The following KCTD13 variants were observed in gnomAD, a reference collection of about 807,000 sequenced individuals.
KCTD13 encodes the protein potassium channel tetramerization domain containing 13, also known as BTB/POZ domain-containing adapter for CUL3-mediated RhoA degradation protein 1.
A neutral mutation model predicts 32.3 loss-of-function variants in KCTD13; 15 were observed. That is an observed-to-expected ratio of 0.46 (90% CI 0.31 to 0.71). The LOEUF (loss-of-function observed/expected upper bound fraction) is 0.71, where lower values mean the gene tolerates loss of function less well. Among genes scored for constraint, KCTD13 ranks in the 30% least tolerant of loss-of-function variants. The pLI is 0.05. For missense variants in KCTD13, 337 were observed against 452.6 expected (o/e 0.74, Z 2.32); for synonymous variants, 189 against 200.1 (o/e 0.94, Z 0.47).
In KCTD13 at chr16:29,906,655, C is replaced by T. The variant is rs916314639; in HGVS notation, c.*217G>A. On this transcript the variant is annotated 3_prime_UTR_variant, in exon 6 of 6. Transcript: ENST00000568000. ...CCAGGGTGGGGACAAGTGTTGGCTT[C>T]GGAAGGCTCTGAGTGGTGGGGCCGG... The T allele has an allele frequency of 1.2e-5, 8 of 680,462 alleles. No individual in the cohort carries two copies. Among genetic ancestry groups the T allele is most frequent in the Non-Finnish European group, 1.9e-5 (7 of 370,486 alleles). 42.2% of individuals were successfully genotyped at this position (680,462 alleles called of 1,614,324 possible). A position where few individuals can be genotyped will look rare whatever the true frequency, so the allele number is the denominator to read the frequency against.
chr16:29,915,497 C>T (rs933473727), intron 2 of KCTD13, among the ~76,000 whole-genome samples: 9 of 151,044 alleles, frequency 6.0e-5, no homozygotes, highest in Non-Finnish European at 1.2e-4. Context: ...ACTAAAAATA[C>T]AAAAATTAGC....
intron 5 of KCTD13, among the ~76,000 whole-genome samples, chr16:29,909,900 A>G (rs145080160): frequency 1.3e-5 from 2 of 151,896 alleles, no homozygotes; most frequent in Non-Finnish European, 2.9e-5. Context: ...CGAAGTCTCT[A>G]CTAAAGAGAC....
rs907551420 is a variant in KCTD13, at chr16:29,906,930, C to A, written c.932G>T (p.Arg311Leu). ...ACGCTCGTCGTGGGTGATATGGCGC[C>A]GGACATGGATCCTGCGGACACGGTG... ...REHRVRRIHV[R>L]RHITHDERPH... Residue 311 changes from arginine (R) to leucine (L), a missense_variant, in exon 6 of 6, where the codon CGG becomes CTG. This residue lies in a region of KCTD13 where 252 missense variants were observed against 340.2 expected (regional missense o/e 0.74). Transcript: ENST00000568000. The A allele has an allele frequency of 1.3e-5, 21 of 1,614,004 alleles. No individual in the cohort carries two copies. The highest frequency in any genetic ancestry group is 1.7e-5 in the Non-Finnish European group (20 of 1,180,024).
chr16:29,918,910 A>G (rs2068860091), intron 2 of KCTD13, among the ~76,000 whole-genome samples: 1 of 151,278 alleles, frequency 6.6e-6, no homozygotes, highest in Non-Finnish European at 1.5e-5. Flanking sequence ...CACCTGCCTC[A>G]GCCTCCCAAA....
intron 1 of KCTD13, 35 bp from the exon 2 acceptor site, chr16:29,923,394 C>T (rs755718533): frequency 2.5e-6 from 4 of 1,599,422 alleles, no homozygotes; most frequent in Non-Finnish European, 3.4e-6. Context: ...GGAAAGATGG[C>T]TTTGCTGCGG....
At position 29,906,971 on chromosome 16, in the gene KCTD13, A is replaced by G. The variant is rs758198808; in HGVS notation, c.891T>C (p.Asp297=). The change falls in exon 6 of 6, where the codon GAT becomes GAC. Residue 297 remains aspartate (D), a synonymous_variant. Transcript: ENST00000568000. ...AGAGGAGRGE[D]EENREHRVRR... is the part of the protein sequence containing the mutation. ...GGACACGGTGCTCTCGGTTCTCTTC[A>G]TCCTCCCCGCGGCCAGCCCCACCAG... 7 of 1,613,992 alleles carry G rather than the reference A, an allele frequency of 4.3e-6. No individual in the cohort carries two copies. In the South Asian group the frequency reaches 6.6e-5, roughly 15 times the overall value.
Position 29,923,226 on chromosome 16 carries a change from C to T in KCTD13, c.378G>A (p.Val126=), listed in dbSNP as rs768347611. 27 of 1,614,110 alleles carry T rather than the reference C, an allele frequency of 1.7e-5. No individual in the cohort carries two copies. The highest frequency in any genetic ancestry group is 1.1e-4 in the African/African-American group (8 of 74,936). The change falls in exon 2 of 6, where the codon GTG becomes GTA. Residue 126 remains valine (V), a synonymous_variant. Transcript: ENST00000568000. ...ELLGEARYYL[V]QGLIEDCQLA... Reference sequence around the variant, plus strand: ...GCTGGCAGTCCTCAATCAGGCCCTGCACCAGGTAGTAGCGTGCTTCGCCCA... The same window carrying T: ...GCTGGCAGTCCTCAATCAGGCCCTGTACCAGGTAGTAGCGTGCTTCGCCCA...
At chr16:29,915,694 AG>A (rs1375504274) in intron 2 of KCTD13, among the ~76,000 whole-genome samples, 1 of 152,186 alleles carries the variant, frequency 6.6e-6, no homozygotes, top group Non-Finnish European at 1.5e-5. Flanking sequence ...AGACGCTGAA[AG>A]ACAACACCTT....
Position 29,906,510 on chromosome 16 carries a change from G to T in KCTD13, c.*362C>A. 2.1e-6 allele frequency: 1 copy of T among 478,380 alleles called. No homozygotes were observed. The highest frequency in any genetic ancestry group is 4.1e-6 in the Non-Finnish European group (1 of 241,788). The allele number at this position is 478,380 out of a possible 1,614,324, so 29.6% of individuals were successfully genotyped here. ...CGGACTACCCTGCAGGACGCGGGAGGCTGCTCAGACTGTGGTGATGTCAGG... is the reference window on the plus strand; with the variant it reads ...CGGACTACCCTGCAGGACGCGGGAGTCTGCTCAGACTGTGGTGATGTCAGG... On this transcript the variant is annotated 3_prime_UTR_variant, in exon 6 of 6. Coordinates refer to ENST00000568000, the MANE Select transcript of KCTD13 (RefSeq NM_178863.5).
rs2068981263 is a variant in KCTD13, at chr16:29,925,631, G to A, written c.244+159C>T. On this transcript the variant is annotated intron_variant, in intron 1 of 5. Coordinates refer to ENST00000568000, the MANE Select transcript of KCTD13 (RefSeq NM_178863.5). Reference sequence around the variant, plus strand: ...AGAAGAGAAATTATGAATGAGAAAGGGGAGGAGATGGGATGTGGGGGCTGG... The same window carrying A: ...AGAAGAGAAATTATGAATGAGAAAGAGGAGGAGATGGGATGTGGGGGCTGG... 6 of 671,010 alleles carry A rather than the reference G, an allele frequency of 8.9e-6. No homozygotes were observed. In the South Asian group the frequency reaches 9.0e-5, roughly 10 times the overall value. The allele number at this position is 671,010 out of a possible 1,614,324, so 41.6% of individuals were successfully genotyped here.
chr16:29,913,024 G>C (rs1028608421), intron 2 of KCTD13: 14 of 151,512 alleles, frequency 9.2e-5, no homozygotes, highest in African/African-American at 3.2e-4. Context: ...AACTCAATGC[G>C]CAATTCTAAT....
At chr16:29,917,043 A>C (rs1243796159) in intron 2 of KCTD13, among the ~76,000 whole-genome samples, 1 of 152,216 alleles carries the variant, frequency 6.6e-6, no homozygotes, top group Non-Finnish European at 1.5e-5. Context: ...TTTATGACCT[A>C]GCTTCAAAGT....
Position 29,906,924 on chromosome 16 carries a change from T to C in KCTD13, c.938A>G (p.His313Arg). ...HRVRRIHVRR[H>R]ITHDERPHGQ... ...ATGAGGACGCTCGTCGTGGGTGATA[T>C]GGCGCCGGACATGGATCCTGCGGAC... The change falls in exon 6 of 6, where the codon CAT becomes CGT. Residue 313 changes from histidine to arginine, a missense_variant. Coordinates refer to ENST00000568000, the MANE Select transcript of KCTD13 (RefSeq NM_178863.5). 2 of 1,614,028 alleles carry C rather than the reference T, an allele frequency of 1.2e-6. No homozygotes were observed. The highest frequency in any genetic ancestry group is 2.7e-5 in the African/African-American group (2 of 74,994).
At chr16:29,913,439 C>T (rs892329735) in intron 2 of KCTD13, 4 of 152,170 alleles carry the variant, frequency 2.6e-5, no homozygotes, top group East Asian at 1.9e-4. Context: ...CACAAATGTG[C>T]GAGGGGAATT....
chr16:29,912,836 T>C (rs895044726), intron 2 of KCTD13, among the ~76,000 whole-genome samples: 1 of 152,248 alleles, frequency 6.6e-6, no homozygotes, highest in Non-Finnish European at 1.5e-5. Context: ...AATAACTACC[T>C]AGTATACAGC....
At position 29,926,176 on chromosome 16, in the gene KCTD13, G is replaced by A. The variant is rs2068996079; in HGVS notation, c.-143C>T. ...TCACCGCAGCTACTCTGCAAGACCG[G>A]CCCTCCGCCCCATCTCGCTCGCACC... On this transcript the variant is annotated 5_prime_UTR_variant, in exon 1 of 6. Coordinates refer to ENST00000568000, the MANE Select transcript of KCTD13 (RefSeq NM_178863.5). The A allele has an allele frequency of 1.0e-6, 1 of 967,216 alleles. No homozygotes were observed. Among genetic ancestry groups the A allele is most frequent in the Non-Finnish European group, 1.4e-6 (1 of 709,406 alleles). 59.9% of individuals were successfully genotyped at this position (967,216 alleles called of 1,614,324 possible).
chr16:29,906,950 A>G lies in KCTD13; in HGVS notation c.912T>C (p.Arg304=). 6.2e-7 allele frequency: 1 copy of G among 1,614,134 alleles called. No homozygotes were observed. The highest frequency in any genetic ancestry group is 8.5e-7 in the Non-Finnish European group (1 of 1,179,980). The change falls in exon 6 of 6, where the codon CGT becomes CGC. Residue 304 remains arginine (R), a synonymous_variant. Transcript: ENST00000568000. ...RGEDEENREH[R]VRRIHVRRHI... ...GGCGCCGGACATGGATCCTGCGGAC[A>G]CGGTGCTCTCGGTTCTCTTCATCCT...
In KCTD13 at chr16:29,923,291, C is replaced by A; in HGVS notation, c.313G>T (p.Val105Leu). The A allele has an allele frequency of 6.2e-7, 1 of 1,614,202 alleles. No individual in the cohort carries two copies. Among genetic ancestry groups the A allele is most frequent in the East Asian group, 2.2e-5 (1 of 44,888 alleles). ...TCTCTCGTACTCTCCGGCAGTGGCA[C>A]AGACCCATCCCGCAGGTAATTGAGG... Reference protein sequence around the residue: ...TILNYLRDGSVPLPESTRELG... With the variant: ...TILNYLRDGSLPLPESTRELG... Residue 105 changes from valine (V) to leucine (L), a missense_variant, in exon 2 of 6, where the codon GTG becomes TTG. By Grantham distance (32) the Val-to-Leu change is conservative. Transcript: ENST00000568000.
At chr16:29,908,478 A>G (rs1236972119) in intron 5 of KCTD13, among the ~76,000 whole-genome samples, 2 of 152,006 alleles carry the variant, frequency 1.3e-5, no homozygotes, top group East Asian at 1.9e-4. Flanking sequence ...TCCACTTCCC[A>G]AGTTCAAGCG....
Sources: gnomAD v4.1 joint callset for allele counts (sites outside exome capture counted in the v4.1 genomes callset) on GRCh38, gnomAD v4.1.1 for gene constraint, gnomAD v4.1.1 regional missense constraint, MANE v1.5 for transcripts, NCBI Gene and HGNC (gene_info 2026-07-23, HGNC 2026-07-21) for gene names.